The following RORA variants were observed in gnomAD, a reference collection of about 807,000 sequenced individuals.
RORA encodes nuclear receptor ROR-alpha.
In RORA, 7 loss-of-function variants were observed where a neutral mutation model predicts 69.5. That is an observed-to-expected ratio of 0.10 (90% CI 0.06 to 0.19). The LOEUF (loss-of-function observed/expected upper bound fraction) is 0.19. RORA is among the 10% of genes least tolerant of loss of function. RORA has a pLI of 1.00. For synonymous variants in RORA, 261 were observed against 240.8 expected, an observed-to-expected ratio of 1.08 and a Z score of -0.78; for missense variants, 457 against 663.0, an observed-to-expected ratio of 0.69 and a Z score of 3.41.
chr15:60,595,000 A>T (rs1409498499), intron 2 of RORA, among the ~76,000 whole-genome samples: 1 of 151,320 alleles, frequency 6.6e-6, no homozygotes, highest in African/African-American at 2.4e-5. Context: ...TTATATTAAC[A>T]CAAAGCTCTT....
rs1304640453 is a variant in RORA at position 60,819,757 on chromosome 15, A to ACACACACACACACACACACGCG, written c.167-141072_167-141071insCGCGTGTGTGTGTGTGTGTGTG. On this transcript the variant is annotated intron_variant, in intron 1 of 10. Transcript: ENST00000335670. Reference sequence around the variant, plus strand: ...TGAAGTCAAACCCAGACACACACACACACACACACACACACACACACACAC... The same window carrying ACACACACACACACACACACGCG: ...TGAAGTCAAACCCAGACACACACACACACACACACACACACACACGCGCACACACACACACACACACACACAC... Among the ~76,000 whole-genome samples, 107 of 59,598 alleles carry ACACACACACACACACACACGCG rather than the reference A, an allele frequency of 1.8e-3. 2 individuals are homozygous for ACACACACACACACACACACGCG. The highest frequency in any genetic ancestry group is 3.8e-3 in the African/African-American group (101 of 26,668). The allele number at this position is 59,598 out of a possible 152,430, so 39.1% of individuals were successfully genotyped here. A position where few individuals can be genotyped will look rare whatever the true frequency, so the allele number is the denominator to read the frequency against.
chr15:60,499,359 C>G (rs558922693), intron 10 of RORA, among the ~76,000 whole-genome samples: 32 of 152,162 alleles, frequency 2.1e-4, no homozygotes, highest in Middle Eastern at 3.4e-3. Flanking sequence ...TAGCAAGATA[C>G]CCATCTCTAC....
rs150278037 is a variant in RORA, at chr15:60,839,530, C to T, written c.167-160844G>A. 5.8e-3 allele frequency among the ~76,000 whole-genome samples: 884 copies of T among 152,328 alleles called. 12 individuals are homozygous for T. The highest frequency in any genetic ancestry group is 0.02 in the African/African-American group (844 of 41,560). ...GCCACACAGCATATTGATAGTCTAG[C>T]TCAAACTTGAATGCAAGTCTGCCTG... On this transcript the variant is annotated intron_variant, in intron 1 of 10. Coordinates refer to ENST00000335670, the MANE Select transcript of RORA (RefSeq NM_134261.3).
At chr15:60,636,672 A>T (rs1225358300) in intron 2 of RORA, among the ~76,000 whole-genome samples, 2 of 152,194 alleles carry the variant, frequency 1.3e-5, no homozygotes, top group Non-Finnish European at 2.9e-5. Context: ...TATACCTGGT[A>T]GAAAATTTGA....
chr15:60,552,104 A>G (rs919492306), intron 2 of RORA, among the ~76,000 whole-genome samples: 4 of 152,198 alleles, frequency 2.6e-5, no homozygotes, highest in African/African-American at 9.7e-5. Flanking sequence ...CATAGGTAGA[A>G]CACGATGCAG....
At chr15:60,810,913 T>A (rs1304474333) in intron 1 of RORA, among the ~76,000 whole-genome samples, 6 of 152,354 alleles carry the variant, frequency 3.9e-5, no homozygotes, top group African/African-American at 1.4e-4. Context: ...AATAATGGAT[T>A]AGGCCATTTC....
Position 61,128,217 on chromosome 15 carries a change from G to A in RORA, c.166+100836C>T, listed in dbSNP as rs905841673. Among the ~76,000 whole-genome samples, 15 of 151,868 alleles carry A rather than the reference G, an allele frequency of 9.9e-5. No homozygotes were observed. Among genetic ancestry groups the A allele is most frequent in the African/African-American group, 3.6e-4 (15 of 41,330 alleles). On this transcript the variant is annotated intron_variant, in intron 1 of 10. Transcript: ENST00000335670. The surrounding 1 kb of genome is among the most constrained non-coding windows in gnomAD (Gnocchi z 4.5). ...TGTGTATGCACACGTGTGTGTGTGT[G>A]TGTGTGTCTGTGTGTGAGTGTGTTT...
rs1355149611 is a variant in RORA, at chr15:60,950,260, G to C, written c.167-271574C>G. Among the ~76,000 whole-genome samples the C allele has an allele frequency of 1.1e-4, 16 of 147,548 alleles. No individual in the cohort carries two copies. The East Asian group carries it at 3.2e-3, about 29-fold the overall frequency. On this transcript the variant is annotated intron_variant, in intron 1 of 10. Transcript: ENST00000335670. Reference sequence around the variant, plus strand: ...TGCTGAGAGATTTTGTCACCACCAGGCCTGCCCTAAAAGAGCTCCTGAAGG... The same window carrying C: ...TGCTGAGAGATTTTGTCACCACCAGCCCTGCCCTAAAAGAGCTCCTGAAGG...
chr15:60,614,779 A>G, intron 2 of RORA: 1 of 803,488 alleles, frequency 1.2e-6, no homozygotes, highest in Non-Finnish European at 1.9e-6. Flanking sequence ...GATACTTAAT[A>G]TTTATAGTAA....
chr15:60,679,054 T>A (rs1026112473), intron 1 of RORA, among the ~76,000 whole-genome samples: 1 of 152,202 alleles, frequency 6.6e-6, no homozygotes, highest in Non-Finnish European at 1.5e-5. Context: ...AATGCCAGCC[T>A]ACTCAGACCA....
At chr15:60,630,905 T>TTTTTTTTTA in intron 2 of RORA, among the ~76,000 whole-genome samples, 3 of 149,060 alleles carry the variant, frequency 2.0e-5, no homozygotes, top group African/African-American at 7.5e-5. Context: ...TTTTTTTTTT[T>TTTTTTTTTA]GAGACGGAGT....
At chr15:60,962,740 T>A (rs2140344379) in intron 1 of RORA, among the ~76,000 whole-genome samples, 1 of 152,312 alleles carries the variant, frequency 6.6e-6, no homozygotes, top group African/African-American at 2.4e-5. Flanking sequence ...CCAAGGGTTG[T>A]AACACTCTGT....
chr15:60,752,142 GAAGA>G (rs966745125), intron 1 of RORA, among the ~76,000 whole-genome samples: 1 of 152,092 alleles, frequency 6.6e-6, no homozygotes, highest in Non-Finnish European at 1.5e-5. Flanking sequence ...AAAGAATAAA[GAAGA>G]GAGAGGGCAG....
At chr15:60,961,815 T>G (rs1881243441) in intron 1 of RORA, among the ~76,000 whole-genome samples, 1 of 152,202 alleles carries the variant, frequency 6.6e-6, no homozygotes, top group East Asian at 1.9e-4. Context: ...TATAGCTGAA[T>G]GTAGGCACAA....
chr15:60,934,881 C>T (rs979247991), intron 1 of RORA, among the ~76,000 whole-genome samples: 10 of 152,246 alleles, frequency 6.6e-5, no homozygotes, highest in Non-Finnish European at 1.5e-4. Flanking sequence ...TCCACCTATG[C>T]CATTGGCTGC....
rs2066621300 is a variant in RORA, at chr15:60,534,523, T to TGTGTCTGTGCTTA, written c.197-2685_197-2673dup. Among the ~76,000 whole-genome samples the TGTGTCTGTGCTTA allele has an allele frequency of 6.6e-6, 1 of 152,124 alleles. No homozygotes were observed. The highest frequency in any genetic ancestry group is 6.5e-5 in the Admixed American group (1 of 15,276). On this transcript the variant is annotated intron_variant, in intron 2 of 10. Transcript: ENST00000335670. This position sits in a 1 kb window ranked among gnomAD's most constrained non-coding sequence, Gnocchi z 5.0. ...CCATTCACTTAGATCTTTGTCCCCATGTGTCTGTGCTTAGTTCCAGTGGGC... is the reference window on the plus strand; with the variant it reads ...CCATTCACTTAGATCTTTGTCCCCATGTGTCTGTGCTTAGTGTCTGTGCTTAGTTCCAGTGGGC...
At chr15:61,069,384 T>A (rs1030571423) in intron 1 of RORA, among the ~76,000 whole-genome samples, 2 of 151,844 alleles carry the variant, frequency 1.3e-5, no homozygotes, top group African/African-American at 4.8e-5. Flanking sequence ...AGCTATGCCA[T>A]CCCAAAGGAG....
At chr15:60,690,821 G>A (rs1193683596) in intron 1 of RORA, among the ~76,000 whole-genome samples, 10 of 152,096 alleles carry the variant, frequency 6.6e-5, no homozygotes, top group Non-Finnish European at 1.3e-4. Context: ...AGGCCTGGAC[G>A]CGTTGAAGTC....
intron 1 of RORA, among the ~76,000 whole-genome samples, chr15:60,830,133 AT>A (rs1290309106): frequency 6.6e-6 from 1 of 152,234 alleles, no homozygotes; most frequent in Non-Finnish European, 1.5e-5. Context: ...ACCTTCACCC[AT>A]TTTTTAAATA....
Sources: allele counts gnomAD v4.1 joint callset (sites outside exome capture counted in the v4.1 genomes callset), GRCh38; gene constraint gnomAD v4.1.1; non-coding constraint Gnocchi (gnomAD v3.1); transcripts MANE v1.5; gene names NCBI Gene and HGNC (gene_info 2026-07-23, HGNC 2026-07-21).